The following FLT1 variants were observed in gnomAD, a reference collection of about 807,000 sequenced individuals.
FLT1 encodes the protein fms related receptor tyrosine kinase 1.
FLT1 carries 49 observed loss-of-function variants against 156.3 expected under a neutral mutation model. The ratio of observed to expected loss-of-function variants is 0.31; its 90% CI spans 0.25 to 0.40. FLT1 has a LOEUF of 0.40. FLT1 is among the 10% of genes least tolerant of loss of function. The pLI, the probability that FLT1 is intolerant of heterozygous loss-of-function variation, is 1.00. For synonymous variants in FLT1, 594 were observed against 583.8 expected (o/e 1.02, Z -0.25); for missense variants, 1,322 against 1,637.2 (o/e 0.81, Z 3.32).
At chr13:28,416,551 C>T (rs1876658959) in intron 10 of FLT1, among the ~76,000 whole-genome samples, 2 of 152,194 alleles carry the variant, frequency 1.3e-5, no homozygotes, top group African/African-American at 4.8e-5. Flanking sequence ...TCTACCTGAT[C>T]TGGAAAATGG....
intron 3 of FLT1, among the ~76,000 whole-genome samples, chr13:28,445,451 G>A (rs1374605508): frequency 2.0e-5 from 3 of 151,950 alleles, no homozygotes; most frequent in Non-Finnish European, 4.4e-5. Context: ...CTCCAGCCTG[G>A]GTGACAGAGC....
Position 28,311,647 on chromosome 13 carries a change from A to G in FLT1, c.3578T>C (p.Phe1193Ser). ...TYSTPAFSED[F>S]FKESISAPKF... is the part of the protein sequence containing the mutation. ...CGGAGCTGAAATACTTTCCTTGAAG[A>G]AGTCCTCAGAGAAGGCAGGAGTTGA... is the stretch of plus-strand genomic sequence containing the variant. Residue 1193 changes from phenylalanine to serine, a missense_variant, in exon 27 of 30, where the codon TTC (phenylalanine) becomes TCC (serine). Physicochemically the swap from Phe to Ser is radical, Grantham distance 155. Coordinates refer to ENST00000282397, the MANE Select transcript of FLT1 (RefSeq NM_002019.4). The G allele has an allele frequency of 1.2e-6, 2 of 1,613,818 alleles. No homozygotes were observed. The highest frequency in any genetic ancestry group is 1.7e-6 in the Non-Finnish European group (2 of 1,179,726).
chr13:28,461,643 A>G (rs1397612645), intron 3 of FLT1, among the ~76,000 whole-genome samples: 1 of 152,198 alleles, frequency 6.6e-6, no homozygotes, highest in Non-Finnish European at 1.5e-5. Flanking sequence ...GAATAAAAAA[A>G]GAATCCTCAG....
chr13:28,353,544 G>T (rs1872798463), intron 15 of FLT1, among the ~76,000 whole-genome samples: 2 of 145,046 alleles, frequency 1.4e-5, no homozygotes, highest in African/African-American at 5.1e-5. Context: ...CTGCACTCTA[G>T]CCTGGCTGAC....
intron 16 of FLT1, among the ~76,000 whole-genome samples, chr13:28,341,276 T>A (rs1236353062): frequency 6.6e-6 from 1 of 152,168 alleles, no homozygotes; most frequent in Non-Finnish European, 1.5e-5. Context: ...TAGTAAAATG[T>A]TAGTTGGCAA....
At position 28,478,553 on chromosome 13, in the gene FLT1, C is replaced by T. The variant is rs146745085; in HGVS notation, c.65-10936G>A. The stretch of plus-strand genomic sequence containing the variant: ...CCATGTAACAGTTTAAGTATAAAAG[C>T]GGGAATTGGAACTTTTAAATTTTAT... On this transcript the variant is annotated intron_variant, in intron 1 of 29. Coordinates refer to ENST00000282397, the MANE Select transcript of FLT1 (RefSeq NM_002019.4). Among the ~76,000 whole-genome samples, 12 of 152,226 alleles carry T rather than the reference C, an allele frequency of 7.9e-5. No individual in the cohort carries two copies. In the Middle Eastern group the frequency reaches 0.01, roughly 129 times the overall value.
chr13:28,474,575 C>T (rs1880443451), intron 1 of FLT1, among the ~76,000 whole-genome samples: 1 of 149,628 alleles, frequency 6.7e-6, no homozygotes, highest in African/African-American at 2.5e-5. Context: ...CAAATGGCCA[C>T]ATATTGTATG....
intron 1 of FLT1, among the ~76,000 whole-genome samples, chr13:28,489,150 T>C (rs999275538): frequency 2.6e-5 from 4 of 152,144 alleles, no homozygotes; most frequent in Non-Finnish European, 5.9e-5. Context: ...CTCATACATC[T>C]CAATCGCTCA....
intron 13 of FLT1, chr13:28,386,934 C>T: frequency 9.6e-7 from 1 of 1,045,078 alleles, no homozygotes; most frequent in Non-Finnish European, 1.2e-6. Flanking sequence ...AATAATCTAT[C>T]ACTGCCCATC....
intron 1 of FLT1, among the ~76,000 whole-genome samples, chr13:28,473,671 A>AAGAAAGAAAGAAAG (rs1431747843): frequency 5.1e-5 from 6 of 118,278 alleles, no homozygotes; most frequent in African/African-American, 2.2e-4. Context: ...GAAAGAAAGA[A>AAGAAAGAAAGAAAG]AGAGAGAGAG....
At position 28,322,372 on chromosome 13, in the gene FLT1, A is replaced by G. The variant is rs750513619; in HGVS notation, c.2954-13T>C. The G allele has an allele frequency of 3.9e-6, 6 of 1,553,352 alleles. No homozygotes were observed. In the East Asian group the frequency reaches 1.3e-4, roughly 35 times the overall value. ...AAACCGTCAGAATCTGGAAAGCATT[A>G]GAACCGTAACTGTTTGTAATGGCTC... is the stretch of plus-strand genomic sequence containing the variant. On this transcript the variant is annotated splice_polypyrimidine_tract_variant and intron_variant, in intron 21 of 29. Transcript: ENST00000282397. The surrounding 1 kb of genome is among the most constrained non-coding windows in gnomAD (Gnocchi z 4.3).
chr13:28,483,120 C>T (rs1311701776), intron 1 of FLT1, among the ~76,000 whole-genome samples: 5 of 152,146 alleles, frequency 3.3e-5, no homozygotes, highest in African/African-American at 7.2e-5. Flanking sequence ...TTTCAAAGAA[C>T]AGCAGTGAAC....
chr13:28,472,667 C>T (rs1880239351), intron 1 of FLT1, among the ~76,000 whole-genome samples: 1 of 152,134 alleles, frequency 6.6e-6, no homozygotes. Context: ...ATTCATGAAA[C>T]ATCTGTGTTT....
chr13:28,370,066 G>T lies in FLT1; in HGVS notation c.2117-12381C>A, dbSNP rs1384908418. ...AAATAAAAAAAATTAGCCCGGCATGGTGGCATGTGCCTGTAGTTCCAGCTA... is the reference window on the plus strand; with the variant it reads ...AAATAAAAAAAATTAGCCCGGCATGTTGGCATGTGCCTGTAGTTCCAGCTA... On this transcript the variant is annotated intron_variant, in intron 14 of 29. Coordinates refer to ENST00000282397, the MANE Select transcript of FLT1 (RefSeq NM_002019.4). Among the ~76,000 whole-genome samples the T allele has an allele frequency of 2.6e-5, 4 of 152,178 alleles. No homozygotes were observed. The South Asian group carries it at 8.3e-4, about 32-fold the overall frequency.
intron 9 of FLT1, 48 bp downstream of exon 9, chr13:28,427,704 A>AATTAC: frequency 6.6e-7 from 1 of 1,509,112 alleles, no homozygotes. Flanking sequence ...AATGTTCACT[A>AATTAC]ATTTGTTGCC....
chr13:28,489,355 C>T (rs1830683381), intron 1 of FLT1, among the ~76,000 whole-genome samples: 1 of 152,102 alleles, frequency 6.6e-6, no homozygotes, highest in African/African-American at 2.4e-5. Flanking sequence ...CAACACTTAC[C>T]GAGAGTCTCT....
In FLT1 at chr13:28,301,371, C is replaced by G. The variant is rs369312235; in HGVS notation, c.*1796G>C. On this transcript the variant is annotated 3_prime_UTR_variant, in exon 30 of 30. Coordinates refer to ENST00000282397, the MANE Select transcript of FLT1 (RefSeq NM_002019.4). Reference sequence around the variant, plus strand: ...TTAGATCTTGGTGGAGAGGACTGTCCCACTCCTCTCTTCTGGCTAGTGAGT... The same window carrying G: ...TTAGATCTTGGTGGAGAGGACTGTCGCACTCCTCTCTTCTGGCTAGTGAGT... 1.7e-5 allele frequency: 4 copies of G among 232,856 alleles called. No individual in the cohort carries two copies. In the East Asian group the frequency reaches 2.4e-4, roughly 14 times the overall value. 14.4% of individuals were successfully genotyped at this position (232,856 alleles called of 1,614,324 possible).
intron 10 of FLT1, 54 bp downstream of exon 10, chr13:28,427,105 A>G (rs1356459262): frequency 1.3e-6 from 2 of 1,512,654 alleles, no homozygotes; most frequent in Non-Finnish European, 1.8e-6. Context: ...AAAAATCTTA[A>G]TTCCAGGTGT....
At chr13:28,346,672 T>C (rs1872578890) in intron 15 of FLT1, among the ~76,000 whole-genome samples, 1 of 152,054 alleles carries the variant, frequency 6.6e-6, no homozygotes, top group South Asian at 2.1e-4. Flanking sequence ...ATTGTGCCAC[T>C]GAACTCCCGC....
Sources: allele counts gnomAD v4.1 joint callset (sites outside exome capture counted in the v4.1 genomes callset), GRCh38; gene constraint gnomAD v4.1.1; non-coding constraint Gnocchi (gnomAD v3.1); transcripts MANE v1.5; gene names NCBI Gene and HGNC (gene_info 2026-07-23, HGNC 2026-07-21).